The following CTNNA3 variants were observed in gnomAD, a reference collection of about 807,000 sequenced individuals.
CTNNA3 encodes catenin alpha-3.
Under a neutral mutation model 95.7 loss-of-function variants are expected in CTNNA3, and 76 were observed. The ratio of observed to expected loss-of-function variants is 0.79; its 90% confidence interval spans 0.66 to 0.96. The LOEUF (loss-of-function observed/expected upper bound fraction) is 0.96. Among genes scored for constraint, CTNNA3 ranks in the 40% least tolerant of loss-of-function variants. The probability of loss-of-function intolerance (pLI) is 0.00; values close to 1 mark genes in which losing one functional copy is unlikely to be tolerated. For missense variants in CTNNA3, 1,191 were observed against 1,089.8 expected (o/e 1.09, Z -1.31); for synonymous variants, 431 against 374.4 (o/e 1.15, Z -1.74).
intron 6 of CTNNA3, among the ~76,000 whole-genome samples, chr10:67,183,074 C>T (rs2132147779): frequency 6.6e-6 from 1 of 152,298 alleles, no homozygotes; most frequent in Non-Finnish European, 1.5e-5. Flanking sequence ...AACAGGAACA[C>T]TTTTACACTG....
At chr10:66,268,105 T>C (rs2091197656) in intron 13 of CTNNA3, among the ~76,000 whole-genome samples, 1 of 152,084 alleles carries the variant, frequency 6.6e-6, no homozygotes, top group Non-Finnish European at 1.5e-5. Flanking sequence ...ATGATGATAA[T>C]AATGATGATG....
intron 7 of CTNNA3, among the ~76,000 whole-genome samples, chr10:66,845,276 C>T (rs1300163802): frequency 1.3e-5 from 2 of 152,138 alleles, no homozygotes; most frequent in African/African-American, 2.4e-5. Context: ...ATGAAAGGGG[C>T]TGAACATCAC....
intron 5 of CTNNA3, among the ~76,000 whole-genome samples, chr10:67,235,680 A>G (rs372926126): frequency 7.0e-6 from 1 of 142,786 alleles, no homozygotes; most frequent in Non-Finnish European, 1.5e-5. Context: ...TAATTAAACT[A>G]AAGAGCTTCT....
intron 14 of CTNNA3, among the ~76,000 whole-genome samples, chr10:66,095,844 C>T (rs547925098): frequency 6.6e-6 from 1 of 152,152 alleles, no homozygotes; most frequent in African/African-American, 2.4e-5. Flanking sequence ...TATTTATAGA[C>T]CTTATATAGA....
At chr10:66,339,970 C>A (rs1029502563) in intron 12 of CTNNA3, among the ~76,000 whole-genome samples, 8 of 151,646 alleles carry the variant, frequency 5.3e-5, no homozygotes, top group Non-Finnish European at 7.4e-5. Flanking sequence ...GTGGATGGAG[C>A]CTTGCAGACA....
At position 66,382,058 on chromosome 10, in the gene CTNNA3, G is replaced by T. The variant is rs180734475; in HGVS notation, c.1532-2706C>A. Among the ~76,000 whole-genome samples, 258 of 152,220 alleles carry T rather than the reference G, an allele frequency of 1.7e-3. 1 individual carries two copies. Among genetic ancestry groups the T allele is most frequent in the African/African-American group, 5.8e-3 (240 of 41,546 alleles). On this transcript the variant is annotated intron_variant, in intron 11 of 17. Coordinates refer to ENST00000433211, the MANE Select transcript of CTNNA3 (RefSeq NM_013266.4). ...TTCTGCATTTCCAACTGAAGTACCT[G>T]GTTCATCTCACTGGGACTGGTTGGA...
chr10:67,285,256 G>A (rs1396387068), intron 5 of CTNNA3, among the ~76,000 whole-genome samples: 3 of 152,150 alleles, frequency 2.0e-5, no homozygotes, highest in Non-Finnish European at 4.4e-5. Context: ...AAAGGTAGAG[G>A]AGAAAATTGT....
chr10:67,488,664 C>A (rs10997659), intron 5 of CTNNA3, among the ~76,000 whole-genome samples: 5,904 of 146,518 alleles, frequency 0.04, 143 homozygotes, highest in South Asian at 0.099. Context: ...AGCCAAAGTG[C>A]CCGGCCTCTT....
At position 67,140,272 on chromosome 10, in the gene CTNNA3, C is replaced by T. The variant is rs181661034; in HGVS notation, c.1047+40045G>A. ...ATTTGTAGGTCAATTTTATAAAATTCTCTTTTTGAGTGTTATGGTTAATAA... is the reference window on the plus strand; with the variant it reads ...ATTTGTAGGTCAATTTTATAAAATTTTCTTTTTGAGTGTTATGGTTAATAA... On this transcript the variant is annotated intron_variant, in intron 7 of 17. Coordinates refer to ENST00000433211, the MANE Select transcript of CTNNA3 (RefSeq NM_013266.4). Among the ~76,000 whole-genome samples, 46 of 152,122 alleles carry T rather than the reference C, an allele frequency of 3.0e-4. 1 individual carries two copies. Among genetic ancestry groups the T allele is most frequent in the Admixed American group, 1.2e-3 (18 of 15,286 alleles).
At chr10:66,029,746 G>A (rs1423282529) in intron 15 of CTNNA3, among the ~76,000 whole-genome samples, 1 of 152,102 alleles carries the variant, frequency 6.6e-6, no homozygotes, top group Non-Finnish European at 1.5e-5. Flanking sequence ...TTTATTCCAT[G>A]AGCTTGGAAC....
chr10:67,736,978 G>T (rs901810907), intron 1 of CTNNA3, among the ~76,000 whole-genome samples: 14 of 150,364 alleles, frequency 9.3e-5, no homozygotes, highest in East Asian at 3.9e-4. Flanking sequence ...ATTTTTTTTT[G>T]GGGGGGACAG....
chr10:66,418,586 G>A (rs1055905809), intron 11 of CTNNA3, among the ~76,000 whole-genome samples: 1 of 81,614 alleles, frequency 1.2e-5, no homozygotes, highest in South Asian at 5.6e-4. Flanking sequence ...CACACACAGA[G>A]GTATAGGTCA....
At chr10:66,514,470 T>C (rs1439904434) in intron 11 of CTNNA3, among the ~76,000 whole-genome samples, 1 of 152,148 alleles carries the variant, frequency 6.6e-6, no homozygotes, top group Non-Finnish European at 1.5e-5. Flanking sequence ...TAAAGGTCAA[T>C]GTGATATTAT....
At chr10:66,463,869 G>C (rs531351196) in intron 11 of CTNNA3, among the ~76,000 whole-genome samples, 3 of 150,870 alleles carry the variant, frequency 2.0e-5, no homozygotes, top group Non-Finnish European at 2.9e-5. Flanking sequence ...CTGAACAGAG[G>C]GAGCAGTCAC....
At chr10:66,496,977 C>T (rs1376553329) in intron 11 of CTNNA3, among the ~76,000 whole-genome samples, 1 of 152,086 alleles carries the variant, frequency 6.6e-6, no homozygotes, top group African/African-American at 2.4e-5. Context: ...CCTGTGTCTT[C>T]ACAGGGTTTC....
At chr10:66,734,384 T>A (rs1849062571) in intron 9 of CTNNA3, among the ~76,000 whole-genome samples, 1 of 152,156 alleles carries the variant, frequency 6.6e-6, no homozygotes, top group Non-Finnish European at 1.5e-5. Flanking sequence ...AATGGGAATC[T>A]GAACTATTAG....
At chr10:67,296,219 A>C (rs539200658) in intron 5 of CTNNA3, among the ~76,000 whole-genome samples, 1 of 152,320 alleles carries the variant, frequency 6.6e-6, no homozygotes, top group East Asian at 1.9e-4. Context: ...ATATTATTAG[A>C]TGCTCATTTA....
At chr10:66,255,191 G>A (rs538511752) in intron 13 of CTNNA3, among the ~76,000 whole-genome samples, 1 of 152,246 alleles carries the variant, frequency 6.6e-6, no homozygotes, top group East Asian at 1.9e-4. Context: ...CTCAAACAAG[G>A]GCAGGCCTAG....
At chr10:67,196,862 A>T (rs2132194020) in intron 6 of CTNNA3, among the ~76,000 whole-genome samples, 1 of 152,206 alleles carries the variant, frequency 6.6e-6, no homozygotes, top group East Asian at 1.9e-4. Flanking sequence ...CTGAGGCAAT[A>T]TATATTAATG....
Sources: allele counts gnomAD v4.1 joint callset (sites outside exome capture counted in the v4.1 genomes callset), GRCh38; gene constraint gnomAD v4.1.1; transcripts MANE v1.5; gene names NCBI Gene and HGNC (gene_info 2026-07-23, HGNC 2026-07-21).